Variants in PCSK6 observed in about 807,000 individuals in gnomAD.
PCSK6 encodes proprotein convertase subtilisin/kexin type 6, also known as paired basic amino acid cleaving enzyme 4.
A neutral mutation model predicts 123.3 loss-of-function variants in PCSK6; 85 were observed. That is an observed-to-expected ratio of 0.69 (90% CI 0.58 to 0.83). The LOEUF (loss-of-function observed/expected upper bound fraction) is 0.83, where lower values mean the gene tolerates loss of function less well. PCSK6 is among the 40% of genes least tolerant of loss of function. PCSK6 has a pLI of 0.00. For synonymous variants in PCSK6, 508 were observed against 516.0 expected (o/e 0.98, Z 0.21); for missense variants, 1,191 against 1,282.3 (o/e 0.93, Z 1.09).
chr15:101,309,032 A>T (rs1383007332), intron 20 of PCSK6: 1 of 152,346 alleles, frequency 6.6e-6, no homozygotes, highest in Non-Finnish European at 1.5e-5. Context: ...TTCTTCAAAT[A>T]CAACCTCACC....
intron 4 of PCSK6, 28 bp from the exon 5 acceptor site, chr15:101,430,091 G>A (rs1205403250): frequency 8.2e-6 from 13 of 1,594,432 alleles, no homozygotes; most frequent in Non-Finnish European, 9.5e-6. Context: ...GGTGAGTGAG[G>A]AGAAATGGCA....
intron 15 of PCSK6, among the ~76,000 whole-genome samples, chr15:101,328,420 T>G (rs929315208): frequency 6.6e-6 from 1 of 152,144 alleles, no homozygotes; most frequent in African/African-American, 2.4e-5. Flanking sequence ...ATTCCTGGCA[T>G]TAGGCACAGA....
chr15:101,412,374 A>G (rs1376701252), intron 6 of PCSK6, among the ~76,000 whole-genome samples: 2 of 152,172 alleles, frequency 1.3e-5, no homozygotes, highest in African/African-American at 2.4e-5. Flanking sequence ...TCTGACAGAC[A>G]TTTTATTCAT....
At chr15:101,423,851 T>C (rs904937993) in intron 6 of PCSK6, among the ~76,000 whole-genome samples, 9 of 152,108 alleles carry the variant, frequency 5.9e-5, no homozygotes, top group Admixed American at 3.9e-4. Flanking sequence ...CAAGATGGAA[T>C]TAATACGAAG....
chr15:101,456,241 G>A (rs1404012778), intron 1 of PCSK6, among the ~76,000 whole-genome samples: 1 of 36,358 alleles, frequency 2.8e-5, no homozygotes, highest in Non-Finnish European at 1.6e-4. Flanking sequence ...CCCTCCACGT[G>A]CTGATTCACG....
chr15:101,368,447 C>T (rs890955739), intron 12 of PCSK6, among the ~76,000 whole-genome samples: 1 of 152,204 alleles, frequency 6.6e-6, no homozygotes, highest in Admixed American at 6.5e-5. Flanking sequence ...GTGGCATTTT[C>T]AGAGATGAGG....
At chr15:101,363,948 T>C (rs1021090835) in intron 13 of PCSK6, among the ~76,000 whole-genome samples, 2 of 152,170 alleles carry the variant, frequency 1.3e-5, no homozygotes, top group African/African-American at 2.4e-5. Flanking sequence ...AACGCTTTCT[T>C]AAAATAGTTA....
At chr15:101,425,282 G>C (rs551128715) in intron 6 of PCSK6, among the ~76,000 whole-genome samples, 1 of 152,282 alleles carries the variant, frequency 6.6e-6, no homozygotes, top group East Asian at 1.9e-4. Context: ...ATAGCCACTG[G>C]CTCCAAAGCT....
At chr15:101,451,894 G>A (rs192352927) in intron 1 of PCSK6, among the ~76,000 whole-genome samples, 2 of 152,160 alleles carry the variant, frequency 1.3e-5, no homozygotes, top group East Asian at 3.9e-4. Context: ...GATGACCACT[G>A]GACCTATATT....
At chr15:101,386,796 A>G (rs1327309279) in intron 9 of PCSK6, among the ~76,000 whole-genome samples, 1 of 152,176 alleles carries the variant, frequency 6.6e-6, no homozygotes, top group East Asian at 1.9e-4. Flanking sequence ...TGCCATGAAC[A>G]TGGCTGGGCC....
At chr15:101,324,080 T>C (rs1390874733) in intron 17 of PCSK6, among the ~76,000 whole-genome samples, 3 of 152,346 alleles carry the variant, frequency 2.0e-5, no homozygotes, top group East Asian at 1.9e-4. Flanking sequence ...GCAAGACACC[T>C]GGCCTTGCGG....
intron 1 of PCSK6, among the ~76,000 whole-genome samples, chr15:101,447,237 C>T (rs2056915890): frequency 6.6e-6 from 1 of 152,098 alleles, no homozygotes; most frequent in South Asian, 2.1e-4. Context: ...TGGGTGCCTT[C>T]ATGGGGAAGG....
chr15:101,325,200 G>T (rs906950761), intron 16 of PCSK6, among the ~76,000 whole-genome samples, 154 bp from the exon 17 acceptor site: 8 of 152,154 alleles, frequency 5.3e-5, no homozygotes, highest in African/African-American at 1.7e-4. Context: ...AGGTTCCTAC[G>T]TACACAGGTG....
intron 20 of PCSK6, chr15:101,312,920 G>A: frequency 2.1e-6 from 1 of 486,932 alleles, no homozygotes; most frequent in Non-Finnish European, 2.8e-6. Flanking sequence ...CATGAGAGTT[G>A]CTTGAATCCC....
intron 13 of PCSK6, among the ~76,000 whole-genome samples, chr15:101,361,314 G>T (rs1345482495): frequency 9.2e-6 from 1 of 109,064 alleles, no homozygotes; most frequent in Non-Finnish European, 1.8e-5. Context: ...AGTGCTAAGA[G>T]TAAGACATAA....
At chr15:101,310,388 G>A (rs1291947272) in intron 20 of PCSK6, among the ~76,000 whole-genome samples, 2 of 152,268 alleles carry the variant, frequency 1.3e-5, no homozygotes, top group East Asian at 1.9e-4. Flanking sequence ...CTGCCTGCAG[G>A]GGTCCAGTTG....
intron 10 of PCSK6, chr15:101,384,102 G>A (rs1034962860): frequency 1.8e-5 from 18 of 985,124 alleles, no homozygotes; most frequent in Admixed American, 1.2e-4. Flanking sequence ...TAGAGTATAG[G>A]AGACCCCAGA....
At chr15:101,369,932 C>A (rs2041527043) in intron 12 of PCSK6, among the ~76,000 whole-genome samples, 1 of 152,198 alleles carries the variant, frequency 6.6e-6, no homozygotes. Flanking sequence ...GGTGGGGGGA[C>A]AAACAGTGCT....
intron 13 of PCSK6, among the ~76,000 whole-genome samples, chr15:101,363,486 A>G (rs889197100): frequency 1.3e-5 from 2 of 152,274 alleles, no homozygotes; most frequent in African/African-American, 4.8e-5. Flanking sequence ...TGCAGCTGGC[A>G]TGAGGAGTAA....
Sources: allele counts gnomAD v4.1 joint callset (sites outside exome capture counted in the v4.1 genomes callset), GRCh38; gene constraint gnomAD v4.1.1; transcripts MANE v1.5; gene names NCBI Gene and HGNC (gene_info 2026-07-23, HGNC 2026-07-21).